Variants in SLC5A4 observed in about 807,000 individuals in gnomAD.
SLC5A4 encodes solute carrier family 5 member 4, also known as probable glucose sensor protein SLC5A4.
In SLC5A4, 55 loss-of-function variants were observed where a neutral mutation model predicts 70.3. The observed-to-expected ratio is 0.78, with a 90% CI of 0.63 to 0.98. The LOEUF is 0.98. Ranked by LOEUF, SLC5A4 falls within the 50% of genes least tolerant of loss-of-function variation. SLC5A4 has a pLI of 0.00. For missense variants in SLC5A4, 735 were observed against 839.2 expected (o/e 0.88, Z 1.53); for synonymous variants, 268 against 305.7 (o/e 0.88, Z 1.29).
chr22:32,294,671 C>CTTTTTCTT, the SLC5A4 span, among the ~76,000 whole-genome samples: 2 of 148,704 alleles, frequency 1.3e-5, no homozygotes, highest in African/African-American at 5.0e-5. Context: ...TTGGCTTTTT[C>CTTTTTCTT]TTTTTATTAT....
the SLC5A4 span, among the ~76,000 whole-genome samples, chr22:32,331,854 G>C: frequency 6.6e-6 from 1 of 152,042 alleles, no homozygotes; most frequent in Admixed American, 6.5e-5. Flanking sequence ...TGCCACGGGT[G>C]GGGGCTGCTC....
At chr22:32,291,001 G>A in the SLC5A4 span, among the ~76,000 whole-genome samples, 1 of 151,960 alleles carries the variant, frequency 6.6e-6, no homozygotes, top group Non-Finnish European at 1.5e-5. Flanking sequence ...ATGTGTAGTG[G>A]TGTCTTCTTT....
chr22:32,221,115 T>TA, intron 13 of SLC5A4, 93 bp from the exon 14 acceptor site: 1 of 849,946 alleles, frequency 1.2e-6, no homozygotes, highest in Non-Finnish European at 1.9e-6. Context: ...CTGGTGTTTT[T>TA]AAAAAATCAA....
At chr22:32,310,081 T>TG in the SLC5A4 span, among the ~76,000 whole-genome samples, 557 of 39,254 alleles carry the variant, frequency 0.014, 6 homozygotes, top group African/African-American at 0.051. Context: ...GGACGGGGGA[T>TG]GGGGGGGGTG....
chr22:32,240,022 C>CAAAA (rs35616277), intron 5 of SLC5A4, among the ~76,000 whole-genome samples: 72 of 73,916 alleles, frequency 9.7e-4, no homozygotes, highest in Non-Finnish European at 1.5e-3. Flanking sequence ...GACTCCATCT[C>CAAAA]AAAAAAAAAA....
the SLC5A4 span, among the ~76,000 whole-genome samples, chr22:32,340,688 G>A: frequency 6.6e-6 from 1 of 152,202 alleles, no homozygotes; most frequent in Non-Finnish European, 1.5e-5. Context: ...GAGAGGTCTG[G>A]TTGGAGGAAC....
the SLC5A4 span, among the ~76,000 whole-genome samples, chr22:32,345,142 T>C: frequency 6.6e-6 from 1 of 152,162 alleles, no homozygotes; most frequent in African/African-American, 2.4e-5. Flanking sequence ...CAAATTTGTA[T>C]AGAACATTTA....
At chr22:32,235,996 C>A (rs146507681) in intron 7 of SLC5A4, among the ~76,000 whole-genome samples, 151 of 152,134 alleles carry the variant, frequency 9.9e-4, no homozygotes, top group Middle Eastern at 3.4e-3. Flanking sequence ...CATAGGAGAC[C>A]CTAAGAGATG....
the SLC5A4 span, among the ~76,000 whole-genome samples, chr22:32,342,222 G>T: frequency 6.6e-6 from 1 of 152,200 alleles, no homozygotes; most frequent in Non-Finnish European, 1.5e-5. Context: ...GAACTGACTT[G>T]AGAACCTCTT....
chr22:32,311,382 T>TG, the SLC5A4 span, among the ~76,000 whole-genome samples: 2 of 152,276 alleles, frequency 1.3e-5, no homozygotes, highest in African/African-American at 2.4e-5. Context: ...AGCTAAGAAC[T>TG]GGGGGAGATT....
chr22:32,218,511 A>C lies in SLC5A4; in HGVS notation c.*3T>G, dbSNP rs757945479. On this transcript the variant is annotated 3_prime_UTR_variant, in exon 15 of 15. Coordinates refer to ENST00000266086, the MANE Select transcript of SLC5A4 (RefSeq NM_014227.3). ...TTCATTATTCTAATGGCTCAGATAGAGTTCAGGCATAGTAGCCGTGAATAA... is the reference window on the plus strand; with the variant it reads ...TTCATTATTCTAATGGCTCAGATAGCGTTCAGGCATAGTAGCCGTGAATAA... 6.3e-7 allele frequency: 1 copy of C among 1,578,784 alleles called. No homozygotes were observed. The highest frequency in any genetic ancestry group is 8.7e-7 in the Non-Finnish European group (1 of 1,153,028).
the SLC5A4 span, among the ~76,000 whole-genome samples, chr22:32,328,509 C>A: frequency 5.2e-3 from 787 of 152,252 alleles, 3 homozygotes; most frequent in Non-Finnish European, 7.3e-3. Flanking sequence ...AGCTACCCTG[C>A]GGAGAGGCCC....
the SLC5A4 span, chr22:32,272,701 T>C: frequency 1.9e-6 from 1 of 526,218 alleles, no homozygotes; most frequent in Non-Finnish European, 3.6e-6. Flanking sequence ...TGGGCAGACT[T>C]CCATGTGGGT....
the SLC5A4 span, chr22:32,327,321 G>C: frequency 3.3e-5 from 5 of 152,316 alleles, no homozygotes; most frequent in Non-Finnish European, 4.4e-5. Context: ...ACAGATCCAG[G>C]CTGGGGCCAA....
At chr22:32,329,984 T>G in the SLC5A4 span, among the ~76,000 whole-genome samples, 1 of 15,798 alleles carries the variant, frequency 6.3e-5, no homozygotes, top group Non-Finnish European at 1.1e-4. Context: ...GTGTGTGTGT[T>G]GGGGGCTCTG....
intron 4 of SLC5A4, 44 bp downstream of exon 4, chr22:32,248,699 A>T (rs1395882180): frequency 3.1e-6 from 4 of 1,271,450 alleles, no homozygotes; most frequent in Non-Finnish European, 4.6e-6. Flanking sequence ...AGTGAGCAGC[A>T]GTGCCTAGAA....
the SLC5A4 span, among the ~76,000 whole-genome samples, chr22:32,330,287 ATATGTTGGGGG>A: frequency 5.2e-5 from 1 of 19,376 alleles, no homozygotes; most frequent in Non-Finnish European, 8.1e-5. Context: ...GCTCTGGTGT[ATATGTTGGGGG>A]CTCTGTTGGG....
At chr22:32,311,646 G>A in the SLC5A4 span, among the ~76,000 whole-genome samples, 1 of 152,206 alleles carries the variant, frequency 6.6e-6, no homozygotes, top group Non-Finnish European at 1.5e-5. Flanking sequence ...AGATCCATGT[G>A]TCTGTGTCTC....
chr22:32,292,215 A>G, the SLC5A4 span, among the ~76,000 whole-genome samples: 3 of 75,194 alleles, frequency 4.0e-5, no homozygotes, highest in African/African-American at 1.9e-4. Flanking sequence ...TATAATATAT[A>G]TATTATATTC....
Sources: gnomAD v4.1 joint callset for allele counts (sites outside exome capture counted in the v4.1 genomes callset) on GRCh38, gnomAD v4.1.1 for gene constraint, MANE v1.5 for transcripts, NCBI Gene and HGNC (gene_info 2026-07-23, HGNC 2026-07-21) for gene names.